The following PAX7 variants were observed in gnomAD, a reference collection of about 807,000 sequenced individuals.
PAX7 encodes paired box protein Pax-7.
A neutral mutation model predicts 50.7 loss-of-function variants in PAX7; 18 were observed. The ratio of observed to expected loss-of-function variants is 0.36; its 90% confidence interval spans 0.25 to 0.53. The LOEUF (loss-of-function observed/expected upper bound fraction) is 0.53, where lower values mean the gene tolerates loss of function less well. Among genes scored for constraint, PAX7 ranks in the 20% least tolerant of loss-of-function variants. PAX7 has a pLI of 0.93. For synonymous variants in PAX7, 310 were observed against 290.4 expected (o/e 1.07, Z -0.69); for missense variants, 644 against 702.9 (o/e 0.92, Z 0.95).
At chr1:18,672,766 C>T (rs1044810441) in intron 4 of PAX7, among the ~76,000 whole-genome samples, 12 of 151,794 alleles carry the variant, frequency 7.9e-5, no homozygotes, top group Admixed American at 7.2e-4. Context: ...CTACCACGCC[C>T]GGCTAATTTT....
intron 4 of PAX7, among the ~76,000 whole-genome samples, chr1:18,652,340 A>G (rs955106130): frequency 6.6e-6 from 1 of 151,990 alleles, no homozygotes; most frequent in Admixed American, 6.6e-5. Context: ...GCCAGGCGCT[A>G]TTCCTAGGAG....
At chr1:18,723,451 G>A (rs554648076) in intron 7 of PAX7, among the ~76,000 whole-genome samples, 170 of 152,322 alleles carry the variant, frequency 1.1e-3, no homozygotes, top group Non-Finnish European at 2.2e-3. Context: ...CACTGAGAGG[G>A]AAATCGAAGA....
At chr1:18,717,268 G>C (rs1263994488) in intron 7 of PAX7, among the ~76,000 whole-genome samples, 1 of 152,190 alleles carries the variant, frequency 6.6e-6, no homozygotes, top group Non-Finnish European at 1.5e-5. Flanking sequence ...CCGCTCGCTC[G>C]TCCAGTCTTG....
chr1:18,693,159 C>T (rs771483449), intron 5 of PAX7, among the ~76,000 whole-genome samples: 1 of 152,128 alleles, frequency 6.6e-6, no homozygotes, highest in Non-Finnish European at 1.5e-5. Flanking sequence ...GAAAGATCCC[C>T]ATTACCAGAA....
intron 4 of PAX7, among the ~76,000 whole-genome samples, chr1:18,640,449 T>A (rs2088233665): frequency 6.8e-6 from 1 of 146,010 alleles, no homozygotes; most frequent in Non-Finnish European, 1.5e-5. Flanking sequence ...GGACATTGTT[T>A]ACGGGATCTT....
intron 5 of PAX7, among the ~76,000 whole-genome samples, chr1:18,693,876 A>AT (rs1471517405): frequency 6.6e-6 from 1 of 152,134 alleles, no homozygotes; most frequent in Non-Finnish European, 1.5e-5. Context: ...CAGTGCTTTT[A>AT]TTGGCCCAGG....
intron 4 of PAX7, among the ~76,000 whole-genome samples, chr1:18,679,791 A>T (rs1297865046): frequency 6.6e-6 from 1 of 152,218 alleles, no homozygotes; most frequent in Non-Finnish European, 1.5e-5. Flanking sequence ...ATGTTCATTC[A>T]TTCAGTCAGT....
chr1:18,701,895 G>A (rs1035309531), intron 6 of PAX7, among the ~76,000 whole-genome samples: 8 of 152,136 alleles, frequency 5.3e-5, no homozygotes, highest in Non-Finnish European at 4.4e-5. Flanking sequence ...CCTTGGGAGA[G>A]GAAAGGAAAG....
At chr1:18,667,200 C>T (rs2088680935) in intron 4 of PAX7, among the ~76,000 whole-genome samples, 2 of 152,124 alleles carry the variant, frequency 1.3e-5, no homozygotes, top group African/African-American at 2.4e-5. Flanking sequence ...GCTGCTTTAC[C>T]TCTCTGTGCC....
chr1:18,688,699 A>G (rs1311391443), intron 4 of PAX7, among the ~76,000 whole-genome samples: 1 of 152,158 alleles, frequency 6.6e-6, no homozygotes, highest in Non-Finnish European at 1.5e-5. Flanking sequence ...TCAGGAGTTC[A>G]AGACCAGAGT....
In PAX7 at chr1:18,735,272, A is replaced by G. The variant is rs1398547633; in HGVS notation, c.1156-360A>G. Among the ~76,000 whole-genome samples the G allele has an allele frequency of 6.6e-6, 1 of 152,202 alleles. No individual in the cohort carries two copies. The highest frequency in any genetic ancestry group is 2.4e-5 in the African/African-American group (1 of 41,454). On this transcript the variant is annotated intron_variant, in intron 7 of 8. Transcript: ENST00000420770. This position sits in a 1 kb window ranked among gnomAD's most constrained non-coding sequence, Gnocchi z 4.0. ...CTCCCTGACTGATGGGAGAGGCCTC[A>G]TTAGCCAGTTCGTTCATTCATGCAT... is the stretch of plus-strand genomic sequence containing the variant.
chr1:18,735,561 A>G lies in PAX7; in HGVS notation c.1156-71A>G, dbSNP rs1317863531. 17 of 1,551,206 alleles carry G rather than the reference A, an allele frequency of 1.1e-5. No homozygotes were observed. The highest frequency in any genetic ancestry group is 1.4e-5 in the Non-Finnish European group (16 of 1,143,518). On this transcript the variant is annotated intron_variant, in intron 7 of 8. Transcript: ENST00000420770. This position sits in a 1 kb window ranked among gnomAD's most constrained non-coding sequence, Gnocchi z 4.0. ...AAGAGTGTTCCAGGGCCAGCCTGGC[A>G]TTGTGCCCAGTGTGCTCGTGTCTCT...
chr1:18,702,717 A>C (rs1253807282), intron 6 of PAX7, among the ~76,000 whole-genome samples: 6 of 152,116 alleles, frequency 3.9e-5, no homozygotes, highest in Non-Finnish European at 8.8e-5. Flanking sequence ...GCGTTTGTAA[A>C]AGCACCTGGC....
intron 4 of PAX7, among the ~76,000 whole-genome samples, chr1:18,648,808 C>T (rs184752793): frequency 1.8e-4 from 27 of 152,066 alleles, no homozygotes; most frequent in Non-Finnish European, 2.9e-4. Flanking sequence ...ATGGATTCAC[C>T]GAGCCGAGAA....
chr1:18,697,453 C>T (rs1222703469), intron 5 of PAX7, among the ~76,000 whole-genome samples: 5 of 152,174 alleles, frequency 3.3e-5, no homozygotes, highest in African/African-American at 1.2e-4. Context: ...CTGTTCTAAG[C>T]ATGTTGCCTG....
chr1:18,651,056 A>G (rs1430237598), intron 4 of PAX7, among the ~76,000 whole-genome samples: 1 of 152,096 alleles, frequency 6.6e-6, no homozygotes. Flanking sequence ...CTGGACTTGG[A>G]ATCAGTAAGA....
intron 4 of PAX7, among the ~76,000 whole-genome samples, chr1:18,665,621 C>G (rs2088657261): frequency 1.3e-5 from 2 of 151,612 alleles, no homozygotes; most frequent in South Asian, 4.2e-4. Flanking sequence ...GATCCACCTG[C>G]CTCACCCTCC....
rs1026998022 is a variant in PAX7, at chr1:18,700,312, T to A, written c.787-341T>A. Reference sequence around the variant, plus strand: ...CAGCATCCCTCCAGGAAGGAGCAGCTGCAGAGGAAAGAGCACTGGCCTGAG... The same window carrying A: ...CAGCATCCCTCCAGGAAGGAGCAGCAGCAGAGGAAAGAGCACTGGCCTGAG... On this transcript the variant is annotated intron_variant, in intron 5 of 8. Transcript: ENST00000420770. The surrounding 1 kb of genome is among the most constrained non-coding windows in gnomAD (Gnocchi z 4.8). Among the ~76,000 whole-genome samples the A allele has an allele frequency of 2.6e-5, 4 of 152,058 alleles. No homozygotes were observed. Among genetic ancestry groups the A allele is most frequent in the African/African-American group, 9.7e-5 (4 of 41,380 alleles).
In PAX7 at chr1:18,700,537, G is replaced by A; in HGVS notation, c.787-116G>A. ...GTGCTGCACAATGCCGGGGCCTGCA[G>A]GAGGATGCTGGCTGGATCAGAGGGT... On this transcript the variant is annotated intron_variant, in intron 5 of 8. Transcript: ENST00000420770. The surrounding 1 kb of genome is among the most constrained non-coding windows in gnomAD (Gnocchi z 4.8). The A allele has an allele frequency of 3.2e-6, 3 of 928,796 alleles. No homozygotes were observed. The highest frequency in any genetic ancestry group is 3.1e-6 in the Non-Finnish European group (2 of 643,204). The allele number at this position is 928,796 out of a possible 1,614,324, so 57.5% of individuals were successfully genotyped here. A position where few individuals can be genotyped will look rare whatever the true frequency, so the allele number is the denominator to read the frequency against.
Sources: gnomAD v4.1 joint callset for allele counts (sites outside exome capture counted in the v4.1 genomes callset) on GRCh38, gnomAD v4.1.1 for gene constraint, Gnocchi (gnomAD v3.1) non-coding constraint, MANE v1.5 for transcripts, NCBI Gene and HGNC (gene_info 2026-07-23, HGNC 2026-07-21) for gene names.